DDIAS: variants seen among roughly 807,000 people sequenced by gnomAD.
The protein encoded by DDIAS is DNA damage induced apoptosis suppressor.
A neutral mutation model predicts 15.7 loss-of-function variants in DDIAS; 14 were observed. That is an observed-to-expected ratio of 0.89 (90% confidence interval 0.59 to 1.39). The LOEUF (loss-of-function observed/expected upper bound fraction) is 1.39, where lower values mean the gene tolerates loss of function less well. Among genes scored for constraint, DDIAS ranks in the 40% most tolerant of loss-of-function variants. DDIAS has a pLI of 0.00. For synonymous variants in DDIAS, 355 were observed against 395.9 expected (o/e 0.90, Z 1.23); for missense variants, 1,035 against 1,130.9 (o/e 0.92, Z 1.22).
At chr11:82,902,773 A>G (rs1188078393) in intron 1 of DDIAS, among the ~76,000 whole-genome samples, 1 of 152,238 alleles carries the variant, frequency 6.6e-6, no homozygotes, top group East Asian at 1.9e-4. Context: ...ACCCCACAGG[A>G]CTGGATCACA....
intron 4 of DDIAS, 28 bp downstream of exon 4, chr11:82,928,966 C>T (rs750229269): frequency 1.3e-6 from 2 of 1,585,274 alleles, no homozygotes; most frequent in Non-Finnish European, 1.7e-6. Context: ...ATCCTTTTTC[C>T]TGACTGCCCT....
intron 3 of DDIAS, among the ~76,000 whole-genome samples, chr11:82,918,867 G>T (rs1255468260): frequency 1.3e-5 from 2 of 152,068 alleles, no homozygotes; most frequent in African/African-American, 4.8e-5. Context: ...GTTGTAAAAG[G>T]AGTTAAATTC....
chr11:82,928,761 T>G lies in DDIAS; in HGVS notation c.114-16T>G, dbSNP rs140555050. On this transcript the variant is annotated splice_polypyrimidine_tract_variant and intron_variant, in intron 3 of 5. Transcript: ENST00000533655. ...TTTAATGAACATCTCCACACTTTTTTCCACCACTTTTCTAGGTCTAATTGT... is the reference window on the plus strand; with the variant it reads ...TTTAATGAACATCTCCACACTTTTTGCCACCACTTTTCTAGGTCTAATTGT... The G allele has an allele frequency of 9.0e-4, 1,442 of 1,610,882 alleles. 17 individuals are homozygous for G. In the East Asian group the frequency reaches 0.029, roughly 32 times the overall value.
chr11:82,923,464 C>T lies in DDIAS; in HGVS notation c.114-5313C>T, dbSNP rs544605713. On this transcript the variant is annotated intron_variant, in intron 3 of 5. Coordinates refer to ENST00000533655, the MANE Select transcript of DDIAS (RefSeq NM_145018.4). ...TTAGAGATGCTGAAGAACAGAGAGACGTCCCTAAATATTTTCTTTGAACCT... is the reference window on the plus strand; with the variant it reads ...TTAGAGATGCTGAAGAACAGAGAGATGTCCCTAAATATTTTCTTTGAACCT... Among the ~76,000 whole-genome samples the T allele has an allele frequency of 4.5e-4, 69 of 152,270 alleles. 1 individual carries two copies. Among genetic ancestry groups the T allele is most frequent in the Middle Eastern group, 6.8e-3 (2 of 294 alleles).
chr11:82,931,969 A>T lies in DDIAS; in HGVS notation c.631A>T (p.Asn211Tyr). ...NNHLLALDHS[N>Y]SDLSSIYTSD... ...TCACTTACTTGCTTTAGATCACTCA[A>T]ATAGTGATCTCAGCAGCATATATAC... The change falls in exon 6 of 6, where the codon AAT becomes TAT. Residue 211 changes from asparagine (N) to tyrosine (Y), a missense_variant. Asn to Tyr is a moderately radical substitution (Grantham distance 143). Coordinates refer to ENST00000533655, the MANE Select transcript of DDIAS (RefSeq NM_145018.4). 1 of 1,613,472 alleles carries T rather than the reference A, an allele frequency of 6.2e-7. No homozygotes were observed. Among genetic ancestry groups the T allele is most frequent in the Non-Finnish European group, 8.5e-7 (1 of 1,179,402 alleles).
At chr11:82,924,842 A>T (rs746662974) in intron 3 of DDIAS, among the ~76,000 whole-genome samples, 5 of 152,184 alleles carry the variant, frequency 3.3e-5, no homozygotes, top group African/African-American at 4.8e-5. Flanking sequence ...AAAATAAAAA[A>T]AAAACAAATG....
In DDIAS at chr11:82,917,809, C is replaced by A. The variant is rs565705776; in HGVS notation, c.113+2958C>A. 8.4e-4 allele frequency among the ~76,000 whole-genome samples: 128 copies of A among 152,284 alleles called. 1 individual carries two copies. Among genetic ancestry groups the A allele is most frequent in the African/African-American group, 3.0e-3 (126 of 41,558 alleles). ...ATTGCTGCATCCACACCAACATCTA[C>A]TGGTTTTTGATTTTTTGATTATGGC... On this transcript the variant is annotated intron_variant, in intron 3 of 5. Transcript: ENST00000533655.
Position 82,933,994 on chromosome 11 carries a change from G to A in DDIAS, c.2656G>A (p.Gly886Arg), listed in dbSNP as rs747935685. ...DMLGFQGIGL[G>R]KCLAAYHFPD... is the part of the protein sequence containing the mutation. Reference sequence around the variant, plus strand: ...GCTTGGATTCCAAGGCATAGGTCTAGGGAAATGCCTTGCTGCCTATCATTT... The same window carrying A: ...GCTTGGATTCCAAGGCATAGGTCTAAGGAAATGCCTTGCTGCCTATCATTT... The change falls in exon 6 of 6, where the codon GGG becomes AGG. Residue 886 changes from glycine to arginine, a missense_variant. Physicochemically the swap from Gly to Arg is moderately radical, Grantham distance 125. Coordinates refer to ENST00000533655, the MANE Select transcript of DDIAS (RefSeq NM_145018.4). 3.7e-6 allele frequency: 6 copies of A among 1,613,546 alleles called. No homozygotes were observed. In the African/African-American group the frequency reaches 8.0e-5, roughly 22 times the overall value.
intron 3 of DDIAS, 123 bp from the exon 4 acceptor site, chr11:82,928,654 A>AT (rs1402073181): frequency 2.0e-5 from 19 of 942,036 alleles, no homozygotes; most frequent in Non-Finnish European, 2.8e-5. Flanking sequence ...TTTAAGAAGA[A>AT]TTTGAGTTGT....
Position 82,919,868 on chromosome 11 carries a change from G to T in DDIAS, c.113+5017G>T, listed in dbSNP as rs764469978. Among the ~76,000 whole-genome samples the T allele has an allele frequency of 9.9e-4, 150 of 152,154 alleles. 1 individual carries two copies. The highest frequency in any genetic ancestry group is 5.2e-3 in the South Asian group (25 of 4,810). On this transcript the variant is annotated intron_variant, in intron 3 of 5. Transcript: ENST00000533655. ...AGCCTCCTGAGTAGCTGGGACTACT[G>T]GTGCCCACCACCATGCCCAGCTAAT...
intron 3 of DDIAS, among the ~76,000 whole-genome samples, chr11:82,924,390 TTTTTG>T (rs1391574457): frequency 6.6e-6 from 1 of 152,246 alleles, no homozygotes; most frequent in Non-Finnish European, 1.5e-5. Flanking sequence ...TCATATCTGT[TTTTTG>T]TGGGGAGAGA....
In DDIAS at chr11:82,932,290, C is replaced by T. The variant is rs774961354; in HGVS notation, c.952C>T (p.Gln318Ter). The T allele has an allele frequency of 6.2e-7, 1 of 1,613,860 alleles. No individual in the cohort carries two copies. Among genetic ancestry groups the T allele is most frequent in the Non-Finnish European group, 8.5e-7 (1 of 1,179,818 alleles). ...AAAGTTGGGTAAAGAACTTGGCTTA[C>T]AAGCTAAGGAGCTGAGTGCAGTTCA... is the stretch of plus-strand genomic sequence containing the variant. ...AEKLGKELGL[Q>*]AKELSAVHSS... The change falls in exon 6 of 6, where the codon CAA (glutamine) becomes TAA (stop). Residue 318 changes from glutamine to a stop codon, truncating the protein, a stop_gained. Transcript: ENST00000533655. LOFTEE classifies it low-confidence loss of function (END_TRUNC).
chr11:82,917,217 G>T (rs1402025067), intron 3 of DDIAS, among the ~76,000 whole-genome samples: 10 of 151,938 alleles, frequency 6.6e-5, no homozygotes, highest in African/African-American at 2.4e-4. Flanking sequence ...GTTCTTCAGT[G>T]GTGCTTTGTG....
intron 3 of DDIAS, among the ~76,000 whole-genome samples, chr11:82,923,926 G>A (rs1456129559): frequency 1.3e-5 from 2 of 152,182 alleles, no homozygotes; most frequent in African/African-American, 4.8e-5. Flanking sequence ...CTGGAGAAGG[G>A]ATTTATTTAT....
intron 3 of DDIAS, among the ~76,000 whole-genome samples, chr11:82,919,041 A>G (rs998194402): frequency 2.6e-5 from 4 of 152,196 alleles, no homozygotes; most frequent in African/African-American, 9.6e-5. Flanking sequence ...TTGTCAGCAA[A>G]CAGTGACAGT....
chr11:82,902,522 C>T (rs1860342078), intron 1 of DDIAS, among the ~76,000 whole-genome samples: 1 of 152,156 alleles, frequency 6.6e-6, no homozygotes, highest in African/African-American at 2.4e-5. Context: ...TCAGTCGCTC[C>T]TATTTGCCCT....
intron 3 of DDIAS, among the ~76,000 whole-genome samples, chr11:82,917,128 CTA>C (rs1184760764): frequency 2.0e-5 from 3 of 149,032 alleles, no homozygotes; most frequent in Non-Finnish European, 4.4e-5. Context: ...TTTTTTAAAA[CTA>C]TTTCCATAAT....
At chr11:82,918,924 C>T (rs1327881027) in intron 3 of DDIAS, among the ~76,000 whole-genome samples, 1 of 152,104 alleles carries the variant, frequency 6.6e-6, no homozygotes, top group African/African-American at 2.4e-5. Flanking sequence ...AGAAGAGCTA[C>T]TGATTTGTGT....
At chr11:82,923,102 G>A (rs537458355) in intron 3 of DDIAS, among the ~76,000 whole-genome samples, 2 of 152,302 alleles carry the variant, frequency 1.3e-5, no homozygotes, top group South Asian at 2.1e-4. Flanking sequence ...CCCAGGTCCT[G>A]CAGGAGCAGT....
Sources: gnomAD v4.1 joint callset for allele counts (sites outside exome capture counted in the v4.1 genomes callset) on GRCh38, gnomAD v4.1.1 for gene constraint, MANE v1.5 for transcripts, NCBI Gene and HGNC (gene_info 2026-07-23, HGNC 2026-07-21) for gene names.